Variants in DYM observed in about 807,000 individuals in gnomAD.
DYM encodes dyggve-Melchior-Clausen syndrome protein.
Under a neutral mutation model 93.1 loss-of-function variants are expected in DYM, and 78 were observed. The ratio of observed to expected loss-of-function variants is 0.84; its 90% CI spans 0.70 to 1.01. DYM has a LOEUF of 1.01. Ranked by LOEUF, DYM falls within the 50% of genes least tolerant of loss-of-function variation. The pLI is 0.00. For missense variants in DYM, 789 were observed against 845.0 expected, an observed-to-expected ratio of 0.93 and a Z score of 0.82; for synonymous variants, 321 against 319.7, an observed-to-expected ratio of 1.00 and a Z score of -0.04.
intron 17 of DYM, among the ~76,000 whole-genome samples, chr18:49,066,365 A>G (rs2076388203): frequency 6.6e-6 from 1 of 152,210 alleles, no homozygotes; most frequent in African/African-American, 2.4e-5. Flanking sequence ...TAATGGAATT[A>G]CACAGTGTAT....
chr18:49,445,177 A>T (rs1188531587), intron 1 of DYM, among the ~76,000 whole-genome samples: 1 of 152,192 alleles, frequency 6.6e-6, no homozygotes, highest in Non-Finnish European at 1.5e-5. Flanking sequence ...AAATAATTTA[A>T]AATATCCTTC....
intron 2 of DYM, among the ~76,000 whole-genome samples, chr18:49,424,095 A>C (rs1281247572): frequency 6.6e-6 from 1 of 152,150 alleles, no homozygotes; most frequent in African/African-American, 2.4e-5. Flanking sequence ...ACACAACCAA[A>C]AACGACAATT....
chr18:49,213,092 G>A (rs891678748), intron 13 of DYM, among the ~76,000 whole-genome samples: 3 of 152,140 alleles, frequency 2.0e-5, no homozygotes, highest in Non-Finnish European at 4.4e-5. Context: ...GTTCTGAAAT[G>A]TTATTTGATA....
chr18:49,068,642 G>A (rs2076654944), intron 17 of DYM, among the ~76,000 whole-genome samples: 1 of 152,156 alleles, frequency 6.6e-6, no homozygotes, highest in Non-Finnish European at 1.5e-5. Context: ...ACACTTGGCT[G>A]CTTTTTTAAA....
chr18:49,090,218 A>G (rs1426768750), intron 17 of DYM, among the ~76,000 whole-genome samples: 1 of 152,224 alleles, frequency 6.6e-6, no homozygotes, highest in African/African-American at 2.4e-5. Context: ...AAGGAGAGTC[A>G]GAATGGGAGG....
intron 11 of DYM, 98 bp downstream of exon 11, chr18:49,272,080 G>T: frequency 9.2e-7 from 1 of 1,087,372 alleles, no homozygotes; most frequent in South Asian, 1.4e-5. Flanking sequence ...GTTCTCACAG[G>T]AACATCTACC....
chr18:49,396,138 TG>T (rs2070044326), intron 2 of DYM, among the ~76,000 whole-genome samples: 1 of 152,186 alleles, frequency 6.6e-6, no homozygotes, highest in Non-Finnish European at 1.5e-5. Flanking sequence ...ATGCAGATGC[TG>T]GTACCAGCCT....
At chr18:49,232,603 CTTTTTTT>C (rs777802663) in intron 13 of DYM, among the ~76,000 whole-genome samples, 21 of 94,412 alleles carry the variant, frequency 2.2e-4, no homozygotes, top group African/African-American at 6.7e-4. Flanking sequence ...TGCCCGGCCT[CTTTTTTT>C]TTTTTTTTTT....
intron 1 of DYM, among the ~76,000 whole-genome samples, chr18:49,435,639 A>T (rs2080786258): frequency 6.6e-6 from 1 of 152,008 alleles, no homozygotes; most frequent in Non-Finnish European, 1.5e-5. Context: ...AATACAAAAA[A>T]TTAGCCAGGT....
chr18:49,267,384 G>C (rs1300437619), intron 11 of DYM, among the ~76,000 whole-genome samples: 1 of 152,082 alleles, frequency 6.6e-6, no homozygotes, highest in Non-Finnish European at 1.5e-5. Context: ...AGGATGCAAA[G>C]TTGATTTAAT....
At chr18:49,198,571 A>G (rs962568683) in intron 14 of DYM, among the ~76,000 whole-genome samples, 7 of 152,270 alleles carry the variant, frequency 4.6e-5, no homozygotes, top group East Asian at 1.9e-4. Flanking sequence ...GGTGAAGAAC[A>G]TGAACAGACA....
intron 8 of DYM, among the ~76,000 whole-genome samples, chr18:49,292,312 A>ACAGACAGGCAGGCAGGCAGGCAGG (rs1491459614): frequency 5.4e-5 from 6 of 110,998 alleles, no homozygotes; most frequent in East Asian, 2.7e-4. Flanking sequence ...AGACAGACAG[A>ACAGACAGGCAGGCAGGCAGGCAGG]CAGGCAGGCA....
rs761406217 is a variant in DYM at position 49,163,678 on chromosome 18, T to C, written c.1728+7A>G. ...ATTTTTTATTGATGAATAAGGTAAC[T>C]ACTTACATAATCTGGTAGAGGAACA... On this transcript the variant is annotated splice_region_variant and intron_variant, in intron 15 of 17. Transcript: ENST00000675505. The C allele has an allele frequency of 8.2e-6, 13 of 1,594,112 alleles. No individual in the cohort carries two copies. The highest frequency in any genetic ancestry group is 7.7e-6 in the Non-Finnish European group (9 of 1,163,702).
intron 14 of DYM, among the ~76,000 whole-genome samples, chr18:49,165,037 T>C (rs1056199329): frequency 1.3e-5 from 2 of 152,148 alleles, no homozygotes; most frequent in African/African-American, 4.8e-5. Flanking sequence ...GAGACACATT[T>C]GTAAATTTAA....
At chr18:49,231,148 G>T (rs981006695) in intron 13 of DYM, among the ~76,000 whole-genome samples, 5 of 152,076 alleles carry the variant, frequency 3.3e-5, no homozygotes, top group African/African-American at 4.8e-5. Context: ...TTTAAAAAGG[G>T]TTTTCTAATT....
At chr18:49,196,743 G>C (rs908480135) in intron 14 of DYM, among the ~76,000 whole-genome samples, 1 of 152,104 alleles carries the variant, frequency 6.6e-6, no homozygotes, top group African/African-American at 2.4e-5. Context: ...AGCATCCTAA[G>C]GGCAAAGAAA....
At chr18:49,104,773 G>T (rs1376283029) in intron 16 of DYM, among the ~76,000 whole-genome samples, 2 of 152,298 alleles carry the variant, frequency 1.3e-5, no homozygotes, top group East Asian at 3.9e-4. Context: ...CTTGATCATG[G>T]TGGATAAGGT....
At chr18:49,375,228 AC>A (rs1555715799) in intron 5 of DYM, among the ~76,000 whole-genome samples, 1 of 149,466 alleles carries the variant, frequency 6.7e-6, no homozygotes, top group Non-Finnish European at 1.5e-5. Context: ...ACACACACAC[AC>A]ATCTATACCT....
At chr18:49,150,421 C>T (rs1261734790) in intron 15 of DYM, among the ~76,000 whole-genome samples, 1 of 152,170 alleles carries the variant, frequency 6.6e-6, no homozygotes, top group African/African-American at 2.4e-5. Flanking sequence ...TAGTAAAAGA[C>T]ACCAGAGAGC....
Sources: gnomAD v4.1 joint callset for allele counts (sites outside exome capture counted in the v4.1 genomes callset) on GRCh38, gnomAD v4.1.1 for gene constraint, MANE v1.5 for transcripts, NCBI Gene and HGNC (gene_info 2026-07-23, HGNC 2026-07-21) for gene names.